Variants in SRSF10 observed in about 807,000 individuals in gnomAD.
SRSF10 encodes serine/arginine-rich splicing factor 10.
In SRSF10, 9 loss-of-function variants were observed where a neutral mutation model predicts 32.6. The ratio of observed to expected loss-of-function variants is 0.28; its 90% confidence interval spans 0.17 to 0.48. SRSF10 has a LOEUF of 0.48. Among genes scored for constraint, SRSF10 ranks in the 20% least tolerant of loss-of-function variants. The pLI is 0.99. For missense variants in SRSF10, 201 were observed against 331.8 expected (o/e 0.61, Z 3.06); for synonymous variants, 105 against 112.4 (o/e 0.93, Z 0.42).
At position 23,968,016 on chromosome 1, in the gene SRSF10, C is replaced by T; in HGVS notation, c.*3126G>A. 1 of 1,534,306 alleles carries T rather than the reference C, an allele frequency of 6.5e-7. No individual in the cohort carries two copies. Among genetic ancestry groups the T allele is most frequent in the Non-Finnish European group, 8.7e-7 (1 of 1,145,450 alleles). ...AAGTAAAAGGAGAGGTGAAGTGTGT[C>T]AGCCCTCATTTGAGTGTTGATATAA... On this transcript the variant is annotated 3_prime_UTR_variant, in exon 6 of 6. Coordinates refer to ENST00000492112, the MANE Select transcript of SRSF10 (RefSeq NM_054016.4).
chr1:23,974,085 G>A (rs1019297855), intron 3 of SRSF10, among the ~76,000 whole-genome samples: 10 of 151,600 alleles, frequency 6.6e-5, no homozygotes, highest in African/African-American at 1.9e-4. Flanking sequence ...TCTGCCTGCC[G>A]GGTTCAAGCA....
chr1:23,974,025 TCTGTTGCCCAG>T (rs1641930641), intron 3 of SRSF10, among the ~76,000 whole-genome samples: 2 of 149,598 alleles, frequency 1.3e-5, no homozygotes, highest in Non-Finnish European at 3.0e-5. Flanking sequence ...ACAGTCTTGC[TCTGTTGCCCAG>T]TCTGGAGTGC....
At position 23,970,343 on chromosome 1, in the gene SRSF10, A is replaced by G; in HGVS notation, c.*799T>C. On this transcript the variant is annotated 3_prime_UTR_variant, in exon 6 of 6. Coordinates refer to ENST00000492112, the MANE Select transcript of SRSF10 (RefSeq NM_054016.4). ...AATCCACACTGCATCAAAAATAATT[A>G]TCATTGGCCTAGACATCCGGTTTTT... The G allele has an allele frequency of 1.0e-6, 1 of 970,490 alleles. No individual in the cohort carries two copies. The highest frequency in any genetic ancestry group is 1.2e-6 in the Non-Finnish European group (1 of 820,694). 60.1% of individuals were successfully genotyped at this position (970,490 alleles called of 1,614,324 possible).
In SRSF10 at chr1:23,980,327, C is replaced by T. The variant is rs1642388711; in HGVS notation, c.-72G>A. The T allele has an allele frequency of 3.0e-6, 4 of 1,335,260 alleles. No individual in the cohort carries two copies. The highest frequency in any genetic ancestry group is 1.6e-5 in the South Asian group (1 of 61,794). The allele number at this position is 1,335,260 out of a possible 1,614,324, so 82.7% of individuals were successfully genotyped here. On this transcript the variant is annotated 5_prime_UTR_variant, in exon 1 of 6. Coordinates refer to ENST00000492112, the MANE Select transcript of SRSF10 (RefSeq NM_054016.4). The stretch of plus-strand genomic sequence containing the variant: ...GTCCGCGGCTCAGGCGGCCGAGCCT[C>T]AGACACACACAGCTAGAGGGCTCTG...
At chr1:23,973,606 C>T (rs1641903749) in intron 3 of SRSF10, among the ~76,000 whole-genome samples, 1 of 152,182 alleles carries the variant, frequency 6.6e-6, no homozygotes. Flanking sequence ...CAGGCGTGAG[C>T]TACCACACCC....
chr1:23,975,199 C>T lies in SRSF10; in HGVS notation c.171-122G>A, dbSNP rs761792763. On this transcript the variant is annotated intron_variant, in intron 2 of 5. Transcript: ENST00000492112. ...TATTCCAGAACATCAACCAGACCCC[C>T]ACTTACTAGTTGGTGATTCAGTTGG... The T allele has an allele frequency of 7.6e-3, 5,816 of 768,194 alleles. 35 individuals carry two copies. Among genetic ancestry groups the T allele is most frequent in the Non-Finnish European group, 9.4e-3 (4,151 of 441,104 alleles). The allele number at this position is 768,194 out of a possible 1,614,324, so 47.6% of individuals were successfully genotyped here. A position where few individuals can be genotyped will look rare whatever the true frequency, so the allele number is the denominator to read the frequency against.
At chr1:23,974,724 A>G (rs4649145) in intron 3 of SRSF10, among the ~76,000 whole-genome samples, 150,540 of 152,120 alleles carry the variant, frequency 0.99, 74,504 homozygotes, top group East Asian at 1. Context: ...AGCTACTCGG[A>G]AGGTTGAGGC....
chr1:23,972,103 CTTATA>C, intron 3 of SRSF10, 91 bp from the exon 4 acceptor site: 1 of 1,181,828 alleles, frequency 8.5e-7, no homozygotes. Flanking sequence ...TGCATCCCCT[CTTATA>C]TCCCAAAGAG....
rs1402795947 is a variant in SRSF10 at position 23,970,054 on chromosome 1, TAAC to T, written c.*1085_*1087del. Reference sequence around the variant, plus strand: ...CCTACTTTGAAACAATTTACTTACTTAACAGCAGTAAGAAAACTAAGCAATATT... The same window carrying T: ...CCTACTTTGAAACAATTTACTTACTTAGCAGTAAGAAAACTAAGCAATATT... On this transcript the variant is annotated 3_prime_UTR_variant, in exon 6 of 6. Transcript: ENST00000492112. The T allele has an allele frequency of 2.0e-6, 2 of 985,356 alleles. No individual in the cohort carries two copies. The highest frequency in any genetic ancestry group is 1.1e-4 in the East Asian group (1 of 8,820). 61.0% of individuals were successfully genotyped at this position (985,356 alleles called of 1,614,324 possible).
chr1:23,975,097 T>C lies in SRSF10; in HGVS notation c.171-20A>G, dbSNP rs1642004844. 1.2e-6 allele frequency: 2 copies of C among 1,604,684 alleles called. No homozygotes were observed. Among genetic ancestry groups the C allele is most frequent in the Non-Finnish European group, 1.7e-6 (2 of 1,171,890 alleles). On this transcript the variant is annotated intron_variant, in intron 2 of 5. Coordinates refer to ENST00000492112, the MANE Select transcript of SRSF10 (RefSeq NM_054016.4). ...TCAAATGTGCTAAATGTTAAGGGGC[T>C]TGGGAAGTTTTGCAAACTTTGATAA...
At position 23,971,864 on chromosome 1, in the gene SRSF10, C is replaced by G; in HGVS notation, c.423G>C (p.Ser141=). Residue 141 remains serine (S), a synonymous_variant, in exon 4 of 6, where the codon TCG becomes TCC. Transcript: ENST00000492112. ...SRSFDYNYRR[S]YSPRNSRPTG... is the part of the protein sequence containing the mutation. ...AGCACACTTACTTTCTAGGACTATA[C>G]GATCTTCTATAGTTGTAATCAAAAG... The G allele has an allele frequency of 6.2e-7, 1 of 1,607,276 alleles. No individual in the cohort carries two copies. Among genetic ancestry groups the G allele is most frequent in the Non-Finnish European group, 8.5e-7 (1 of 1,178,048 alleles).
chr1:23,979,558 T>C (rs756518611), intron 1 of SRSF10, among the ~76,000 whole-genome samples: 47 of 152,200 alleles, frequency 3.1e-4, no homozygotes, highest in Non-Finnish European at 5.6e-4. Flanking sequence ...GTCAACGTCC[T>C]AATGACTGAC....
rs2148499993 is a variant in SRSF10 at position 23,971,305 on chromosome 1, G to T, written c.626C>A (p.Ser209Tyr). Residue 209 changes from serine (S) to tyrosine (Y), a missense_variant, in exon 6 of 6, where the codon TCT becomes TAT. By Grantham distance (144) the Ser-to-Tyr change is moderately radical. Coordinates refer to ENST00000492112, the MANE Select transcript of SRSF10 (RefSeq NM_054016.4). ...SASHTKTRGT[S>Y]KTDSKTHYKS... ...ATAATGTGTTTTGGAATCTGTTTTA[G>T]AGGTGCCTCTAGTTTTGGTGTGAGA... 1 of 1,613,502 alleles carries T rather than the reference G, an allele frequency of 6.2e-7. No individual in the cohort carries two copies. The highest frequency in any genetic ancestry group is 8.5e-7 in the Non-Finnish European group (1 of 1,179,882).
chr1:23,978,215 C>T, intron 2 of SRSF10: 1 of 985,872 alleles, frequency 1.0e-6, no homozygotes, highest in Non-Finnish European at 1.2e-6. Context: ...GAACTCTACT[C>T]TAAAGGTTCT....
chr1:23,978,802 C>T lies in SRSF10; in HGVS notation c.81G>A (p.Arg27=). ...TAGGACCATAACGACCAAATTCACGCCGCAAGTCTTCAGACCTAAAACATC... is the reference window on the plus strand; with the variant it reads ...TAGGACCATAACGACCAAATTCACGTCGCAAGTCTTCAGACCTAAAACATC... ...VADDTRSEDL[R]REFGRYGPIV... The change falls in exon 2 of 6, where the codon CGG becomes CGA. Residue 27 remains arginine (R), a synonymous_variant. Transcript: ENST00000492112. 3.1e-6 allele frequency: 5 copies of T among 1,605,016 alleles called. No homozygotes were observed. Among genetic ancestry groups the T allele is most frequent in the Non-Finnish European group, 4.3e-6 (5 of 1,174,894 alleles).
Position 23,969,060 on chromosome 1 carries a change from A to G in SRSF10, c.*2082T>C, listed in dbSNP as rs1641599609. The G allele has an allele frequency of 1.1e-6, 1 of 909,066 alleles. No individual in the cohort carries two copies. Among genetic ancestry groups the G allele is most frequent in the African/African-American group, 1.8e-5 (1 of 55,666 alleles). 56.3% of individuals were successfully genotyped at this position (909,066 alleles called of 1,614,324 possible). A position where few individuals can be genotyped will look rare whatever the true frequency, so the allele number is the denominator to read the frequency against. ...TTTTAGAATCATATTCAATACTGTA[A>G]TAATTCCAGTTAATCATTATTTCCT... On this transcript the variant is annotated 3_prime_UTR_variant, in exon 6 of 6. Coordinates refer to ENST00000492112, the MANE Select transcript of SRSF10 (RefSeq NM_054016.4).
In SRSF10 at chr1:23,970,391, C is replaced by T; in HGVS notation, c.*751G>A. 1 of 921,400 alleles carries T rather than the reference C, an allele frequency of 1.1e-6. No homozygotes were observed. Among genetic ancestry groups the T allele is most frequent in the Non-Finnish European group, 1.3e-6 (1 of 783,110 alleles). The allele number at this position is 921,400 out of a possible 1,614,324, so 57.1% of individuals were successfully genotyped here. A position where few individuals can be genotyped will look rare whatever the true frequency, so the allele number is the denominator to read the frequency against. On this transcript the variant is annotated 3_prime_UTR_variant, in exon 6 of 6. Coordinates refer to ENST00000492112, the MANE Select transcript of SRSF10 (RefSeq NM_054016.4). ...TTTTTTTTTTTTTGAGACGGAGTCT[C>T]ACTCTGTTGCCCAGGCTGGAGTGCA...
At chr1:23,978,681 C>T (rs1281543483) in intron 2 of SRSF10, 32 bp downstream of exon 2, 9 of 1,598,914 alleles carry the variant, frequency 5.6e-6, no homozygotes, top group Non-Finnish European at 7.7e-6. Context: ...CTTCAACACC[C>T]CTCACTAATC....
intron 1 of SRSF10, 121 bp downstream of exon 1, chr1:23,980,070 G>A (rs372538021): frequency 4.0e-5 from 45 of 1,137,276 alleles, no homozygotes; most frequent in Non-Finnish European, 5.1e-5. Context: ...CGCCAAAGCG[G>A]GCGCGGGACC....
Sources: allele counts gnomAD v4.1 joint callset (sites outside exome capture counted in the v4.1 genomes callset), GRCh38; gene constraint gnomAD v4.1.1; transcripts MANE v1.5; gene names NCBI Gene and HGNC (gene_info 2026-07-23, HGNC 2026-07-21).